The following SOX6 variants were observed in gnomAD, a reference collection of about 807,000 sequenced individuals.
The protein encoded by SOX6 is SRY-box transcription factor 6.
A neutral mutation model predicts 97.8 loss-of-function variants in SOX6; 11 were observed. The ratio of observed to expected loss-of-function variants is 0.11; its 90% CI spans 0.07 to 0.19. The LOEUF is 0.19. SOX6 is among the 10% of genes least tolerant of loss of function. The probability of loss-of-function intolerance (pLI) is 1.00; values close to 1 mark genes in which losing one functional copy is unlikely to be tolerated. For missense variants in SOX6, 810 were observed against 1,039.5 expected, an observed-to-expected ratio of 0.78 and a Z score of 3.04; for synonymous variants, 360 against 371.4, an observed-to-expected ratio of 0.97 and a Z score of 0.35.
chr11:16,089,337 C>T (rs1265728242), intron 9 of SOX6, among the ~76,000 whole-genome samples: 7 of 152,070 alleles, frequency 4.6e-5, no homozygotes, highest in South Asian at 2.1e-4. Context: ...CAAGATGACT[C>T]TACTGCTGTC....
At chr11:16,643,709 G>A (rs1031357113) in intron 3 of SOX6, among the ~76,000 whole-genome samples, 8 of 151,872 alleles carry the variant, frequency 5.3e-5, no homozygotes, top group East Asian at 1.9e-4. Flanking sequence ...AGGACCCTCC[G>A]AGCCAGGCGC....
At chr11:16,243,720 A>G (rs1317942883) in intron 3 of SOX6, among the ~76,000 whole-genome samples, 24 of 152,000 alleles carry the variant, frequency 1.6e-4, no homozygotes, top group Non-Finnish European at 5.9e-5. Context: ...TTCTATCACT[A>G]TAAAATAATT....
At chr11:16,521,196 C>G (rs1362396019) in intron 4 of SOX6, among the ~76,000 whole-genome samples, 1 of 152,150 alleles carries the variant, frequency 6.6e-6, no homozygotes, top group East Asian at 1.9e-4. Flanking sequence ...GTCCCTGACC[C>G]CTGAACCCCG....
chr11:16,416,114 G>A (rs1034158485), intron 1 of SOX6, among the ~76,000 whole-genome samples: 2 of 152,182 alleles, frequency 1.3e-5, no homozygotes, highest in Non-Finnish European at 2.9e-5. Flanking sequence ...TAGAGCACTA[G>A]AGACAGTCTG....
At chr11:16,079,630 T>C (rs376886125) in intron 9 of SOX6, among the ~76,000 whole-genome samples, 2 of 152,304 alleles carry the variant, frequency 1.3e-5, no homozygotes, top group Middle Eastern at 3.4e-3. Flanking sequence ...TTGAATTTAC[T>C]TATAAGTGAT....
At position 16,583,636 on chromosome 11, in the gene SOX6, TAC is replaced by T. The variant is rs199514393; in HGVS notation, n.609+28443_609+28444del. Among the ~76,000 whole-genome samples, 81 of 87,034 alleles carry T rather than the reference TAC, an allele frequency of 9.3e-4. 1 individual carries two copies. Among genetic ancestry groups the T allele is most frequent in the African/African-American group, 2.7e-3 (65 of 24,464 alleles). 57.1% of individuals were successfully genotyped at this position (87,034 alleles called of 152,430 possible). ...ATACATATATATATATATATATATATACACATACACACACCACATTTTCTTTA... is the reference window on the plus strand; with the variant it reads ...ATACATATATATATATATATATATATACATACACACACCACATTTTCTTTA... On this transcript the variant is annotated intron_variant and non_coding_transcript_variant, in intron 4 of 5. Transcript: ENST00000524520.
intron 3 of SOX6, among the ~76,000 whole-genome samples, chr11:16,286,974 G>A (rs552819803): frequency 1.3e-5 from 2 of 151,536 alleles, no homozygotes; most frequent in South Asian, 4.2e-4. Flanking sequence ...TCCACCATAA[G>A]GTTTTTTTAA....
Position 16,049,982 on chromosome 11 carries a change from T to TGAAGC in SOX6, c.1252-49_1252-45dup, listed in dbSNP as rs1357198801. 4 of 1,600,134 alleles carry TGAAGC rather than the reference T, an allele frequency of 2.5e-6. No individual in the cohort carries two copies. The East Asian group carries it at 8.9e-5, about 36-fold the overall frequency. On this transcript the variant is annotated intron_variant, in intron 10 of 15. Coordinates refer to ENST00000683767, the MANE Select transcript of SOX6 (RefSeq NM_001367873.1). ...AATAATTATTTTTACAAAAGACAAA[T>TGAAGC]GAAGCACATTATCACTTAGTAAGCC...
intron 4 of SOX6, among the ~76,000 whole-genome samples, chr11:16,532,722 G>A (rs942853371): frequency 3.3e-5 from 5 of 151,942 alleles, no homozygotes; most frequent in Non-Finnish European, 7.4e-5. Context: ...TCAACTTCTG[G>A]TCTCAGTGAT....
chr11:16,150,278 G>A (rs972530192), intron 6 of SOX6, among the ~76,000 whole-genome samples: 13 of 152,138 alleles, frequency 8.5e-5, no homozygotes, highest in African/African-American at 3.1e-4. Flanking sequence ...TATTCAGAAG[G>A]AGACAAATCT....
chr11:16,019,973 C>T (rs1855004601), intron 12 of SOX6, among the ~76,000 whole-genome samples: 1 of 152,122 alleles, frequency 6.6e-6, no homozygotes, highest in African/African-American at 2.4e-5. Context: ...TAAGTCTTGT[C>T]GTTTTCATCC....
chr11:16,621,507 C>A (rs968403883), intron 3 of SOX6, among the ~76,000 whole-genome samples: 14 of 152,234 alleles, frequency 9.2e-5, no homozygotes, highest in Admixed American at 5.9e-4. Context: ...AGTAATATCT[C>A]ATTTTTCCTG....
intron 4 of SOX6, among the ~76,000 whole-genome samples, chr11:16,546,937 G>T (rs1847627906): frequency 6.6e-6 from 1 of 152,224 alleles, no homozygotes; most frequent in African/African-American, 2.4e-5. Flanking sequence ...CCATTCAGAA[G>T]TGGGCAAAGG....
intron 6 of SOX6, among the ~76,000 whole-genome samples, chr11:16,156,341 C>G (rs913702072): frequency 6.6e-6 from 1 of 151,986 alleles, no homozygotes; most frequent in Non-Finnish European, 1.5e-5. Flanking sequence ...TCCCATTTCT[C>G]TATTACTCCA....
intron 6 of SOX6, among the ~76,000 whole-genome samples, chr11:16,122,823 A>G (rs1466254377): frequency 6.6e-6 from 1 of 152,216 alleles, no homozygotes; most frequent in East Asian, 1.9e-4. Flanking sequence ...ATTCTATGTT[A>G]TTTAAAAACT....
intron 12 of SOX6, among the ~76,000 whole-genome samples, chr11:16,029,409 G>A (rs773515932): frequency 3.3e-5 from 5 of 151,714 alleles, no homozygotes; most frequent in African/African-American, 4.8e-5. Flanking sequence ...AGGCCGAGGC[G>A]GGTGAATCAC....
intron 1 of SOX6, among the ~76,000 whole-genome samples, chr11:16,736,714 A>G (rs1848393937): frequency 6.6e-6 from 1 of 152,170 alleles, no homozygotes; most frequent in Non-Finnish European, 1.5e-5. Context: ...AAACTGCAAA[A>G]CTCTGTAACT....
intron 3 of SOX6, among the ~76,000 whole-genome samples, chr11:16,267,530 A>AG (rs1288507048): frequency 6.6e-6 from 1 of 151,654 alleles, no homozygotes. Flanking sequence ...TAGTATAAAA[A>AG]GGACCAAAGA....
Position 16,096,041 on chromosome 11 carries a change from G to T in SOX6, c.1056C>A (p.Thr352=). Residue 352 remains threonine (T), a synonymous_variant, in exon 9 of 16, where the codon ACC becomes ACA. Coordinates refer to ENST00000683767, the MANE Select transcript of SOX6 (RefSeq NM_001367873.1). ...AAGAGTGGCCACCACCATGTTCAAA[G>T]GTGTCCAAATTCCTGCCAAAACGGT... is the stretch of plus-strand genomic sequence containing the variant. ...LSDRFGRNLD[T]FEHGGGHSYN... 3 of 1,611,212 alleles carry T rather than the reference G, an allele frequency of 1.9e-6. No homozygotes were observed. Among genetic ancestry groups the T allele is most frequent in the Non-Finnish European group, 1.7e-6 (2 of 1,178,444 alleles).
Sources: gnomAD v4.1 joint callset for allele counts (sites outside exome capture counted in the v4.1 genomes callset) on GRCh38, gnomAD v4.1.1 for gene constraint, MANE v1.5 for transcripts, NCBI Gene and HGNC (gene_info 2026-07-23, HGNC 2026-07-21) for gene names.